MET: variants seen among roughly 807,000 people sequenced by gnomAD.
MET encodes the protein hepatocyte growth factor receptor.
In MET, 48 loss-of-function variants were observed where a neutral mutation model predicts 133.1. That is an observed-to-expected ratio of 0.36 (90% CI 0.29 to 0.46). The LOEUF is 0.46. Among genes scored for constraint, MET ranks in the 20% least tolerant of loss-of-function variants. The pLI is 1.00. For missense variants in MET, 1,442 were observed against 1,695.9 expected, an observed-to-expected ratio of 0.85 and a Z score of 2.63; for synonymous variants, 628 against 616.5, an observed-to-expected ratio of 1.02 and a Z score of -0.28.
intron 11 of MET, among the ~76,000 whole-genome samples, chr7:116,765,244 G>A (rs1455220918): frequency 7.4e-6 from 1 of 135,548 alleles, no homozygotes; most frequent in Non-Finnish European, 1.5e-5. Context: ...AGGTTGCAGT[G>A]AGCCAAGATG....
intron 2 of MET, among the ~76,000 whole-genome samples, chr7:116,706,819 G>C (rs1190215128): frequency 1.3e-5 from 2 of 151,624 alleles, no homozygotes; most frequent in Non-Finnish European, 2.9e-5. Context: ...GGACTGTAAA[G>C]TGCTCGTTAT....
chr7:116,759,933 G>T (rs560035458), intron 10 of MET, among the ~76,000 whole-genome samples: 1 of 152,060 alleles, frequency 6.6e-6, no homozygotes, highest in African/African-American at 2.4e-5. Context: ...GAGCCATCAT[G>T]CCTGGCTAAT....
At chr7:116,723,229 A>G (rs1252721086) in intron 2 of MET, among the ~76,000 whole-genome samples, 1 of 145,566 alleles carries the variant, frequency 6.9e-6, no homozygotes, top group South Asian at 2.4e-4. Flanking sequence ...CATTTCATTC[A>G]TTTCATCTTC....
rs777423152 is a variant in MET, at chr7:116,746,674, G to A, written c.1701+5649G>A. On this transcript the variant is annotated intron_variant, in intron 5 of 20. Coordinates refer to ENST00000397752, the MANE Select transcript of MET (RefSeq NM_000245.4). Reference sequence around the variant, plus strand: ...AAACCATCATTCTGAGCAAACTATCGCAAGAACAAAAAACCAAACACCGCA... The same window carrying A: ...AAACCATCATTCTGAGCAAACTATCACAAGAACAAAAAACCAAACACCGCA... 1.8e-4 allele frequency among the ~76,000 whole-genome samples: 27 copies of A among 150,184 alleles called. 1 individual carries two copies. The highest frequency in any genetic ancestry group is 5.9e-4 in the East Asian group (3 of 5,082).
rs376243090 is a variant in MET at position 116,774,886 on chromosome 7, T to C, written c.3034T>C (p.Phe1012Leu). 3 of 1,613,768 alleles carry C rather than the reference T, an allele frequency of 1.9e-6. No homozygotes were observed. In the African/African-American group the frequency reaches 4.0e-5, roughly 22 times the overall value. The change falls in exon 15 of 21, where the codon TTT becomes CTT. Residue 1012 changes from phenylalanine (F) to leucine (L), a missense_variant. Around this residue, in one of 6 missense-constraint regions of MET, gnomAD observed 514 missense variants for 659.6 expected, o/e 0.78. Transcript: ENST00000397752. ...AATTTTCCTTCATCTTACAGATCAG[T>C]TTCCTAATTCATCTCAGAACGGTTC... ...DYRATFPEDQ[F>L]PNSSQNGSCR... is the part of the protein sequence containing the mutation.
chr7:116,746,841 A>G (rs550718913), intron 5 of MET, among the ~76,000 whole-genome samples: 1 of 152,258 alleles, frequency 6.6e-6, no homozygotes, highest in African/African-American at 2.4e-5. Flanking sequence ...TGACAAGTTA[A>G]TGGGTGCAGC....
intron 5 of MET, among the ~76,000 whole-genome samples, chr7:116,750,370 G>A (rs1793869401): frequency 6.6e-6 from 1 of 152,202 alleles, no homozygotes; most frequent in Non-Finnish European, 1.5e-5. Flanking sequence ...GGGAAAACTG[G>A]CTATCCATAT....
intron 1 of MET, among the ~76,000 whole-genome samples, chr7:116,688,110 A>C (rs1345607283): frequency 1.3e-5 from 2 of 152,222 alleles, no homozygotes; most frequent in Non-Finnish European, 2.9e-5. Flanking sequence ...TTCATTCGTG[A>C]GTAATGTACC....
At chr7:116,726,558 C>T in intron 2 of MET, among the ~76,000 whole-genome samples, 1 of 151,990 alleles carries the variant, frequency 6.6e-6, no homozygotes, top group East Asian at 1.9e-4. Context: ...GCTGGTTCAC[C>T]TCAGGTTCAC....
chr7:116,739,510 C>G (rs1011711629), intron 3 of MET, among the ~76,000 whole-genome samples: 1 of 152,190 alleles, frequency 6.6e-6, no homozygotes, highest in African/African-American at 2.4e-5. Context: ...GTATTCCAGA[C>G]TCCGCGTCCA....
Position 116,672,311 on chromosome 7 carries a change from T to C in MET, c.-281T>C, listed in dbSNP as rs1288993104. The stretch of plus-strand genomic sequence containing the variant: ...GCGCGCCGATGCCCGGCTGAGTCAC[T>C]GGCAGGGCAGCGCGCGTGTGGGAAG... On this transcript the variant is annotated 5_prime_UTR_variant, in exon 1 of 21. Transcript: ENST00000397752. 1 of 243,180 alleles carries C rather than the reference T, an allele frequency of 4.1e-6. No individual in the cohort carries two copies. The highest frequency in any genetic ancestry group is 7.8e-6 in the Non-Finnish European group (1 of 127,814). 15.1% of individuals were successfully genotyped at this position (243,180 alleles called of 1,614,324 possible). A position where few individuals can be genotyped will look rare whatever the true frequency, so the allele number is the denominator to read the frequency against.
At chr7:116,772,116 C>A (rs2117000119) in intron 14 of MET, 127 bp downstream of exon 14, 1 of 1,002,790 alleles carries the variant, frequency 1.0e-6, no homozygotes, top group Non-Finnish European at 1.5e-6. Flanking sequence ...TTACCTCTGC[C>A]AAGTAAGTAT....
intron 2 of MET, among the ~76,000 whole-genome samples, chr7:116,718,102 C>T (rs1792316431): frequency 6.6e-6 from 1 of 152,050 alleles, no homozygotes; most frequent in African/African-American, 2.4e-5. Context: ...AATAATAAAA[C>T]AGGAGGCAGG....
At chr7:116,674,521 G>A (rs898698321) in intron 1 of MET, among the ~76,000 whole-genome samples, 1 of 152,010 alleles carries the variant, frequency 6.6e-6, no homozygotes, top group Non-Finnish European at 1.5e-5. Flanking sequence ...AGTAGCATTA[G>A]TCATATTATC....
In MET at chr7:116,699,100, G is replaced by A. The variant is rs1395233386; in HGVS notation, c.16G>A (p.Val6Met). 1.9e-6 allele frequency: 3 copies of A among 1,613,744 alleles called. No homozygotes were observed. In the African/African-American group the frequency reaches 4.0e-5, roughly 22 times the overall value. The change falls in exon 2 of 21, where the codon GTG becomes ATG. Residue 6 changes from valine to methionine, a missense_variant. Around this residue, in one of 6 missense-constraint regions of MET, gnomAD observed 762 missense variants for 792.4 expected, o/e 0.96. Transcript: ENST00000397752. ...ACCTCTCATAATGAAGGCCCCCGCTGTGCTTGCACCTGGCATCCTCGTGCT... is the reference window on the plus strand; with the variant it reads ...ACCTCTCATAATGAAGGCCCCCGCTATGCTTGCACCTGGCATCCTCGTGCT... MKAPAVLAPGILVLLF... is the reference protein window; with the variant it reads MKAPAMLAPGILVLLF...
intron 11 of MET, among the ~76,000 whole-genome samples, chr7:116,763,875 A>G (rs1794507057): frequency 6.6e-6 from 1 of 152,252 alleles, no homozygotes; most frequent in Non-Finnish European, 1.5e-5. Flanking sequence ...TGGCAGAATA[A>G]TAAAGACTAG....
chr7:116,724,204 G>A (rs1481160556), intron 2 of MET: 4 of 165,650 alleles, frequency 2.4e-5, no homozygotes, highest in Non-Finnish European at 5.2e-5. Context: ...TTTTTAAGCC[G>A]GTCCGAAAAG....
intron 3 of MET, among the ~76,000 whole-genome samples, chr7:116,732,157 T>A (rs1462170996): frequency 6.6e-6 from 1 of 152,226 alleles, no homozygotes; most frequent in African/African-American, 2.4e-5. Flanking sequence ...GAAAATAAAA[T>A]GAAACAAAGC....
intron 2 of MET, among the ~76,000 whole-genome samples, chr7:116,716,515 AAG>A (rs1792239361): frequency 6.6e-6 from 1 of 151,792 alleles, no homozygotes; most frequent in South Asian, 2.1e-4. Context: ...GAAAGAAAGA[AAG>A]AAAGAAAGAA....
Sources: allele counts gnomAD v4.1 joint callset (sites outside exome capture counted in the v4.1 genomes callset), GRCh38; gene constraint gnomAD v4.1.1; regional missense constraint gnomAD v4.1.1; transcripts MANE v1.5; gene names NCBI Gene and HGNC (gene_info 2026-07-23, HGNC 2026-07-21).